CDC14B: variants seen among roughly 807,000 people sequenced by gnomAD.
CDC14B encodes cell division cycle 14B, also known as dual specificity protein phosphatase CDC14B.
Under a neutral mutation model 64.2 loss-of-function variants are expected in CDC14B, and 22 were observed. The observed-to-expected ratio is 0.34, with a 90% CI of 0.24 to 0.49. The LOEUF is 0.49. Ranked by LOEUF, CDC14B falls within the 20% of genes least tolerant of loss-of-function variation. The pLI is 0.99. For missense variants in CDC14B, 498 were observed against 629.9 expected, an observed-to-expected ratio of 0.79 and a Z score of 2.24; for synonymous variants, 191 against 215.8, an observed-to-expected ratio of 0.89 and a Z score of 1.01.
intron 1 of CDC14B, among the ~76,000 whole-genome samples, chr9:96,569,291 C>T (rs1056346871): frequency 3.3e-5 from 5 of 152,130 alleles, no homozygotes; most frequent in African/African-American, 1.2e-4. Context: ...AAATATCCTT[C>T]GTATGCATTT....
chr9:96,554,146 A>G (rs1042090647), intron 4 of CDC14B, among the ~76,000 whole-genome samples: 17 of 152,344 alleles, frequency 1.1e-4, no homozygotes, highest in African/African-American at 4.1e-4. Context: ...CATGGGCGAC[A>G]GACCAAGAGT....
At chr9:96,615,978 C>T (rs930111979) in intron 1 of CDC14B, among the ~76,000 whole-genome samples, 8 of 152,192 alleles carry the variant, frequency 5.3e-5, no homozygotes, top group South Asian at 2.1e-4. Context: ...AAATAACCAG[C>T]TATTTATTAC....
At chr9:96,495,397 C>T (rs1026772760), downstream of CDC14B, among the ~76,000 whole-genome samples, 1 of 140,768 alleles carries the variant, frequency 7.1e-6, no homozygotes, top group Non-Finnish European at 1.6e-5. Context: ...TGCTGCCCCC[C>T]CCCGCCCCCC....
chr9:96,601,305 T>C (rs1254318506), intron 1 of CDC14B, among the ~76,000 whole-genome samples: 1 of 152,122 alleles, frequency 6.6e-6, no homozygotes, highest in African/African-American at 2.4e-5. Flanking sequence ...GAGACCATCC[T>C]GGCCAACATG....
intron 12 of CDC14B, among the ~76,000 whole-genome samples, chr9:96,510,794 T>A (rs929401734): frequency 6.6e-6 from 1 of 152,032 alleles, no homozygotes; most frequent in African/African-American, 2.4e-5. Flanking sequence ...TTAGTAGAGA[T>A]GAGGCTTTGC....
At chr9:96,584,900 C>T (rs180898356) in intron 1 of CDC14B, among the ~76,000 whole-genome samples, 151 of 152,330 alleles carry the variant, frequency 9.9e-4, no homozygotes, top group African/African-American at 3.5e-3. Flanking sequence ...AGGTGATCCA[C>T]CTGCCTCGGC....
chr9:96,553,225 A>C (rs1842057332), intron 4 of CDC14B, among the ~76,000 whole-genome samples: 1 of 152,238 alleles, frequency 6.6e-6, no homozygotes, highest in South Asian at 2.1e-4. Context: ...GAAACTCAGA[A>C]ACAGACATAT....
At chr9:96,566,735 C>G (rs1306671463) in intron 1 of CDC14B, 1 of 1,588,448 alleles carries the variant, frequency 6.3e-7, no homozygotes, top group Admixed American at 1.7e-5. Flanking sequence ...GGTGCCGGAG[C>G]CCCCAGGGGA....
At chr9:96,566,894 C>T in intron 1 of CDC14B, 2 of 1,551,374 alleles carry the variant, frequency 1.3e-6, no homozygotes, top group Non-Finnish European at 1.7e-6. Context: ...GACCACACCC[C>T]CGAAGTTTAA....
At chr9:96,504,027 A>T (rs933138693) in intron 13 of CDC14B, among the ~76,000 whole-genome samples, 38 of 152,268 alleles carry the variant, frequency 2.5e-4, no homozygotes, top group Admixed American at 2.6e-4. Context: ...ATAGAAATTT[A>T]AAAAAACCAA....
rs963478454 is a variant in CDC14B, at chr9:96,547,773, C to T, written c.497+4023G>A. On this transcript the variant is annotated intron_variant, in intron 5 of 13. Transcript: ENST00000375241. ...CAGCCTATACCAAGTGTTTTATATG[C>T]AGGATGTCACTTCATCCTCACAACT... Among the ~76,000 whole-genome samples the T allele has an allele frequency of 5.9e-5, 9 of 152,042 alleles. 1 individual carries two copies. Among genetic ancestry groups the T allele is most frequent in the Middle Eastern group, 6.8e-3 (2 of 294 alleles).
At chr9:96,598,649 T>C (rs1489775181) in intron 1 of CDC14B, among the ~76,000 whole-genome samples, 1 of 152,106 alleles carries the variant, frequency 6.6e-6, no homozygotes, top group Non-Finnish European at 1.5e-5. Context: ...TGTGAAGTCA[T>C]TAAAAAAAAC....
At chr9:96,549,469 T>A (rs1043806728) in intron 5 of CDC14B, among the ~76,000 whole-genome samples, 3 of 151,872 alleles carry the variant, frequency 2.0e-5, no homozygotes, top group South Asian at 2.1e-4. Context: ...GATCAAGACA[T>A]CCTGGCCAAC....
intron 5 of CDC14B, among the ~76,000 whole-genome samples, chr9:96,545,021 C>A (rs1027516482): frequency 6.6e-6 from 1 of 152,192 alleles, no homozygotes; most frequent in African/African-American, 2.4e-5. Context: ...CTCAGGGCTA[C>A]CCCACATCTA....
intron 1 of CDC14B, among the ~76,000 whole-genome samples, chr9:96,607,451 C>A (rs374615647): frequency 2.5e-4 from 32 of 129,628 alleles, no homozygotes; most frequent in Admixed American, 6.3e-4. Context: ...GATAGAGTCT[C>A]GCTCTGTCGC....
intron 1 of CDC14B, 144 bp downstream of exon 1, chr9:96,619,075 G>A (rs542528999): frequency 7.5e-6 from 4 of 533,812 alleles, no homozygotes; most frequent in Non-Finnish European, 1.1e-5. Context: ...AAGGGGGTGT[G>A]GCGGCCGGGG....
intron 1 of CDC14B, among the ~76,000 whole-genome samples, chr9:96,569,937 T>C (rs915654253): frequency 6.6e-5 from 10 of 152,218 alleles, no homozygotes; most frequent in African/African-American, 2.2e-4. Flanking sequence ...ATTAACTTTA[T>C]AATCCTGTTA....
At chr9:96,602,316 C>T (rs1846537337) in intron 1 of CDC14B, among the ~76,000 whole-genome samples, 1 of 152,132 alleles carries the variant, frequency 6.6e-6, no homozygotes, top group South Asian at 2.1e-4. Context: ...AAGCACAGTT[C>T]CCTGCTGAAG....
Position 96,565,491 on chromosome 9 carries a change from G to A in CDC14B, c.161-8C>T. On this transcript the variant is annotated splice_region_variant and splice_polypyrimidine_tract_variant and intron_variant, in intron 1 of 13. Transcript: ENST00000375241. ...TGGCAAAACAAAGGCGATCTGAAAT[G>A]GAAAAATTGCAATGTTCCTTCCTGG... 2.5e-6 allele frequency: 4 copies of A among 1,580,466 alleles called. No homozygotes were observed. Among genetic ancestry groups the A allele is most frequent in the Non-Finnish European group, 3.5e-6 (4 of 1,149,578 alleles).
Sources: gnomAD v4.1 joint callset for allele counts (sites outside exome capture counted in the v4.1 genomes callset) on GRCh38, gnomAD v4.1.1 for gene constraint, MANE v1.5 for transcripts, NCBI Gene and HGNC (gene_info 2026-07-23, HGNC 2026-07-21) for gene names.